NME7: variants seen among roughly 807,000 people sequenced by gnomAD.
NME7 encodes NME/NM23 family member 7.
In NME7, 41 loss-of-function variants were observed where a neutral mutation model predicts 49.1. The observed-to-expected ratio is 0.83, with a 90% CI of 0.65 to 1.08. The LOEUF (loss-of-function observed/expected upper bound fraction) is 1.08. NME7 is among the 50% of genes least tolerant of loss of function. NME7 has a pLI of 0.00. For missense variants in NME7, 423 were observed against 463.4 expected (o/e 0.91, Z 0.80); for synonymous variants, 139 against 150.6 (o/e 0.92, Z 0.56).
intron 7 of NME7, among the ~76,000 whole-genome samples, chr1:169,253,469 C>T (rs892386582): frequency 2.7e-5 from 4 of 149,922 alleles, no homozygotes; most frequent in African/African-American, 7.3e-5. Context: ...TGGGCTGAGA[C>T]AATGGGGTTT....
At chr1:169,318,487 A>G (rs1432074782) in intron 3 of NME7, among the ~76,000 whole-genome samples, 1 of 152,226 alleles carries the variant, frequency 6.6e-6, no homozygotes, top group African/African-American at 2.4e-5. Flanking sequence ...GATAAAATAC[A>G]TATGGAACTC....
chr1:169,277,001 A>T (rs1478107188), intron 7 of NME7, among the ~76,000 whole-genome samples: 2 of 150,232 alleles, frequency 1.3e-5, no homozygotes, highest in Non-Finnish European at 3.0e-5. Flanking sequence ...AGTGGTTTTG[A>T]GTGAGTTTCT....
At chr1:169,282,546 A>T (rs1481618518) in intron 7 of NME7, among the ~76,000 whole-genome samples, 3 of 151,920 alleles carry the variant, frequency 2.0e-5, no homozygotes, top group African/African-American at 7.3e-5. Context: ...ATGTTAGGGT[A>T]TCAATTTTAG....
chr1:169,201,186 A>G (rs1660539353), intron 10 of NME7, among the ~76,000 whole-genome samples: 1 of 152,108 alleles, frequency 6.6e-6, no homozygotes, highest in African/African-American at 2.4e-5. Context: ...AGCTATGATA[A>G]TATCACTGCA....
chr1:169,187,320 G>T (rs901021468), intron 10 of NME7, among the ~76,000 whole-genome samples: 2 of 152,116 alleles, frequency 1.3e-5, no homozygotes, highest in Non-Finnish European at 2.9e-5. Flanking sequence ...CTGTCTCGTT[G>T]ATCTGTCTAA....
chr1:169,204,812 A>T (rs1246000872), intron 10 of NME7, among the ~76,000 whole-genome samples: 1 of 151,900 alleles, frequency 6.6e-6, no homozygotes, highest in Non-Finnish European at 1.5e-5. Flanking sequence ...ATAATTATTG[A>T]CTCAATTTTA....
At chr1:169,158,933 T>A (rs557493687) in intron 11 of NME7, among the ~76,000 whole-genome samples, 1 of 152,332 alleles carries the variant, frequency 6.6e-6, no homozygotes, top group South Asian at 2.1e-4. Flanking sequence ...GAGAAGATAC[T>A]GCTTTTTACC....
At chr1:169,233,650 C>T (rs1201971113) in intron 9 of NME7, among the ~76,000 whole-genome samples, 1 of 152,164 alleles carries the variant, frequency 6.6e-6, no homozygotes, top group Non-Finnish European at 1.5e-5. Context: ...TTATATGGTA[C>T]TCATAACTCT....
At chr1:169,309,439 G>GCACCATGACAGCTGAAAAT (rs1357539301) in intron 4 of NME7, among the ~76,000 whole-genome samples, 1 of 152,042 alleles carries the variant, frequency 6.6e-6, no homozygotes, top group East Asian at 1.9e-4. Context: ...ACTCCCACCA[G>GCACCATGACAGCTGAAAAT]CACCATGACA....
At chr1:169,353,164 CCAAAA>C (rs1479375580) in intron 1 of NME7, among the ~76,000 whole-genome samples, 1 of 151,966 alleles carries the variant, frequency 6.6e-6, no homozygotes, top group Non-Finnish European at 1.5e-5. Flanking sequence ...GCTATAGTAA[CCAAAA>C]CAGCGTGGTA....
chr1:169,137,725 G>A (rs879859383), intron 11 of NME7, among the ~76,000 whole-genome samples: 3 of 152,120 alleles, frequency 2.0e-5, no homozygotes, highest in African/African-American at 4.8e-5. Context: ...CAAAATATGG[G>A]GCTCAGAAGT....
At chr1:169,335,824 A>G (rs1286567631) in intron 1 of NME7, among the ~76,000 whole-genome samples, 1 of 150,138 alleles carries the variant, frequency 6.7e-6, no homozygotes, top group Non-Finnish European at 1.5e-5. Flanking sequence ...AAAGAAATCA[A>G]CACCATCTAA....
chr1:169,304,745 CAAG>C (rs1332838697), intron 4 of NME7, among the ~76,000 whole-genome samples: 1 of 152,060 alleles, frequency 6.6e-6, no homozygotes, highest in East Asian at 1.9e-4. Context: ...AAGGACAAGA[CAAG>C]AAGATTTGAA....
intron 11 of NME7, among the ~76,000 whole-genome samples, chr1:169,143,709 G>A (rs998705078): frequency 2.6e-5 from 4 of 152,094 alleles, no homozygotes; most frequent in African/African-American, 7.2e-5. Context: ...ATGAATTTAC[G>A]GTTTAGTTTT....
chr1:169,313,228 A>G (rs1358991701), intron 3 of NME7, among the ~76,000 whole-genome samples: 1 of 150,690 alleles, frequency 6.6e-6, no homozygotes, highest in Non-Finnish European at 1.5e-5. Flanking sequence ...AAAAACAACC[A>G]AAGAATGAAA....
intron 10 of NME7, among the ~76,000 whole-genome samples, chr1:169,207,187 G>T (rs943285411): frequency 6.6e-6 from 1 of 152,026 alleles, no homozygotes; most frequent in Non-Finnish European, 1.5e-5. Context: ...GGGTAAGGGT[G>T]GAAGCAAGAG....
At chr1:169,258,028 G>T (rs1239841581) in intron 7 of NME7, among the ~76,000 whole-genome samples, 2 of 133,034 alleles carry the variant, frequency 1.5e-5, no homozygotes, top group Non-Finnish European at 3.5e-5. Context: ...ATTAGTTTGA[G>T]TGTTTGTTTC....
chr1:169,332,609 C>CA (rs1652299255), intron 1 of NME7, among the ~76,000 whole-genome samples: 2 of 152,222 alleles, frequency 1.3e-5, no homozygotes, highest in Admixed American at 1.3e-4. Flanking sequence ...CTAAGGAACT[C>CA]AAACAACTCT....
chr1:169,235,071 A>G lies in NME7; in HGVS notation c.888+60T>C, dbSNP rs2101825277. ...CTAGTACAGGAGCTTAGTCCAAAAC[A>G]CTGCATCCTATACTTTTCACTTAAC... On this transcript the variant is annotated intron_variant, in intron 9 of 11. Transcript: ENST00000367811. The G allele has an allele frequency of 4.3e-6, 4 of 929,988 alleles. No individual in the cohort carries two copies. The East Asian group carries it at 1.1e-4, about 25-fold the overall frequency. 57.6% of individuals were successfully genotyped at this position (929,988 alleles called of 1,614,324 possible). A position where few individuals can be genotyped will look rare whatever the true frequency, so the allele number is the denominator to read the frequency against.
Sources: gnomAD v4.1 joint callset for allele counts (sites outside exome capture counted in the v4.1 genomes callset) on GRCh38, gnomAD v4.1.1 for gene constraint, MANE v1.5 for transcripts, NCBI Gene and HGNC (gene_info 2026-07-23, HGNC 2026-07-21) for gene names.